AGBL4: variants seen among roughly 807,000 people sequenced by gnomAD.
The protein encoded by AGBL4 is cytosolic carboxypeptidase 6.
AGBL4 carries 58 observed loss-of-function variants against 66.4 expected under a neutral mutation model. That is an observed-to-expected ratio of 0.87 (90% CI 0.71 to 1.09). The LOEUF (loss-of-function observed/expected upper bound fraction) is 1.09, where lower values mean the gene tolerates loss of function less well. AGBL4 is among the 50% of genes least tolerant of loss of function. The probability of loss-of-function intolerance (pLI) is 0.00; values close to 1 mark genes in which losing one functional copy is unlikely to be tolerated. For missense variants in AGBL4, 579 were observed against 631.0 expected, an observed-to-expected ratio of 0.92 and a Z score of 0.88; for synonymous variants, 234 against 222.9, an observed-to-expected ratio of 1.05 and a Z score of -0.44.
At chr1:48,586,887 C>T in intron 11 of AGBL4, 117 bp downstream of exon 11, 2 of 1,357,764 alleles carry the variant, frequency 1.5e-6, no homozygotes, top group Non-Finnish European at 2.1e-6. Context: ...GCACCTCCAT[C>T]CTCACCTGAG....
At chr1:49,707,367 C>CTTTTTTTTTTTTT (rs34368394) in intron 2 of AGBL4, among the ~76,000 whole-genome samples, 14 of 76,224 alleles carry the variant, frequency 1.8e-4, no homozygotes, top group East Asian at 3.6e-4. Context: ...GCAACCCCTG[C>CTTTTTTTTTTTTT]TTTTTTTTTT....
intron 3 of AGBL4, among the ~76,000 whole-genome samples, chr1:49,424,587 TA>T (rs1400507159): frequency 2.0e-5 from 3 of 152,192 alleles, no homozygotes; most frequent in Non-Finnish European, 4.4e-5. Flanking sequence ...GTTGTATTTA[TA>T]CAACGAAATG....
chr1:48,893,565 G>C (rs545493806), intron 5 of AGBL4, among the ~76,000 whole-genome samples: 1 of 151,970 alleles, frequency 6.6e-6, no homozygotes, highest in East Asian at 1.9e-4. Context: ...GGCTCCTGTA[G>C]TCCCAGCTAC....
At chr1:49,684,035 C>T (rs1054777830) in intron 3 of AGBL4, among the ~76,000 whole-genome samples, 7 of 152,090 alleles carry the variant, frequency 4.6e-5, no homozygotes, top group African/African-American at 1.7e-4. Flanking sequence ...GTAGGTCAGG[C>T]TACAAGTGGA....
intron 6 of AGBL4, among the ~76,000 whole-genome samples, chr1:48,728,760 G>A (rs977285932): frequency 5.9e-5 from 9 of 152,334 alleles, no homozygotes; most frequent in Non-Finnish European, 8.8e-5. Context: ...ATTAGGTGAT[G>A]CCTGGTAAAT....
chr1:48,675,772 C>A (rs1433510463), intron 6 of AGBL4, among the ~76,000 whole-genome samples: 1 of 152,148 alleles, frequency 6.6e-6, no homozygotes, highest in East Asian at 1.9e-4. Flanking sequence ...CATTTACAAC[C>A]AAGACTCTAA....
intron 3 of AGBL4, among the ~76,000 whole-genome samples, chr1:49,442,178 G>A (rs1016419995): frequency 1.3e-5 from 2 of 149,960 alleles, no homozygotes; most frequent in Non-Finnish European, 3.0e-5. Context: ...CTGGGCCTGA[G>A]AGAGAGAGAG....
intron 3 of AGBL4, among the ~76,000 whole-genome samples, chr1:49,650,983 G>A (rs1645992453): frequency 2.6e-5 from 4 of 152,162 alleles, no homozygotes; most frequent in Admixed American, 2.6e-4. Context: ...TGGGCTTGCA[G>A]ACAGGGCATG....
At chr1:49,331,028 A>G (rs1193592410) in intron 3 of AGBL4, among the ~76,000 whole-genome samples, 4 of 151,988 alleles carry the variant, frequency 2.6e-5, no homozygotes, top group African/African-American at 9.7e-5. Flanking sequence ...CCAGGAAACT[A>G]TGCTTCTCCC....
chr1:49,074,048 G>A (rs1644662974), intron 4 of AGBL4, among the ~76,000 whole-genome samples: 1 of 152,168 alleles, frequency 6.6e-6, no homozygotes, highest in Non-Finnish European at 1.5e-5. Context: ...GCATAAAACT[G>A]CCTACTCAAG....
chr1:49,496,323 G>A (rs1313338093), intron 3 of AGBL4, among the ~76,000 whole-genome samples: 2 of 151,666 alleles, frequency 1.3e-5, no homozygotes, highest in Admixed American at 6.6e-5. Flanking sequence ...TGTATACATT[G>A]TGGAATGGCT....
intron 5 of AGBL4, among the ~76,000 whole-genome samples, chr1:48,951,123 C>T (rs906445198): frequency 1.3e-5 from 2 of 152,132 alleles, no homozygotes; most frequent in African/African-American, 2.4e-5. Context: ...ATGTCACCTT[C>T]GGAGCTAAGT....
intron 3 of AGBL4, among the ~76,000 whole-genome samples, chr1:49,695,262 C>G (rs1328601362): frequency 3.9e-5 from 6 of 151,934 alleles, no homozygotes; most frequent in Non-Finnish European, 7.4e-5. Context: ...TGTTTGTTTT[C>G]CAGAGGTATG....
chr1:50,008,571 G>A (rs1422087739), intron 1 of AGBL4, among the ~76,000 whole-genome samples: 1 of 151,606 alleles, frequency 6.6e-6, no homozygotes, highest in East Asian at 1.9e-4. Flanking sequence ...AGTAGAAAAA[G>A]TTAACAACCT....
At chr1:48,583,853 G>GTTCTT (rs1644775457) in intron 11 of AGBL4, 1 of 144,758 alleles carries the variant, frequency 6.9e-6, no homozygotes, top group Non-Finnish European at 1.5e-5. Context: ...TGAAATGAGA[G>GTTCTT]TTTTTTTTTT....
intron 3 of AGBL4, among the ~76,000 whole-genome samples, chr1:49,387,282 G>A (rs1644754229): frequency 6.6e-6 from 1 of 151,788 alleles, no homozygotes; most frequent in South Asian, 2.1e-4. Context: ...CAAAAATGAG[G>A]TATACATTAC....
intron 3 of AGBL4, among the ~76,000 whole-genome samples, chr1:49,278,550 C>A (rs1644216520): frequency 6.6e-6 from 1 of 152,150 alleles, no homozygotes; most frequent in Non-Finnish European, 1.5e-5. Context: ...TATCTGCCTG[C>A]AGGAGGTAAA....
chr1:49,200,098 G>C (rs996740984), intron 4 of AGBL4, among the ~76,000 whole-genome samples: 1 of 152,090 alleles, frequency 6.6e-6, no homozygotes, highest in Non-Finnish European at 1.5e-5. Context: ...CTTGGGTAAA[G>C]GCATGAAAAC....
intron 4 of AGBL4, among the ~76,000 whole-genome samples, chr1:49,164,460 C>G (rs551997165): frequency 6.6e-5 from 10 of 151,834 alleles, no homozygotes; most frequent in Admixed American, 1.3e-4. Context: ...CTTTTTTAGC[C>G]CAAAAAGGAG....
Sources: gnomAD v4.1 joint callset for allele counts (sites outside exome capture counted in the v4.1 genomes callset) on GRCh38, gnomAD v4.1.1 for gene constraint, MANE v1.5 for transcripts, NCBI Gene and HGNC (gene_info 2026-07-23, HGNC 2026-07-21) for gene names.